The following SETD4 variants were observed in gnomAD, a reference collection of about 807,000 sequenced individuals.
SETD4 encodes SET domain-containing protein 4.
A neutral mutation model predicts 58.3 loss-of-function variants in SETD4; 46 were observed. The observed-to-expected ratio is 0.79, with a 90% CI of 0.62 to 1.01. The LOEUF (loss-of-function observed/expected upper bound fraction) is 1.01. SETD4 is among the 50% of genes least tolerant of loss of function. SETD4 has a pLI of 0.00. For synonymous variants in SETD4, 190 were observed against 202.6 expected, an observed-to-expected ratio of 0.94 and a Z score of 0.53; for missense variants, 490 against 523.3, an observed-to-expected ratio of 0.94 and a Z score of 0.62.
At chr21:36,040,006 TGA>T (rs1174976646) in intron 9 of SETD4, among the ~76,000 whole-genome samples, 1 of 152,234 alleles carries the variant, frequency 6.6e-6, no homozygotes, top group African/African-American at 2.4e-5. Context: ...GGACTCAGGC[TGA>T]AGCTGCCCCT....
At chr21:36,042,468 AAATTT>A (rs1226081201) in intron 7 of SETD4, 1 of 152,206 alleles carries the variant, frequency 6.6e-6, no homozygotes, top group African/African-American at 2.4e-5. Context: ...CATCAATATT[AAATTT>A]ATCAGGATTT....
chr21:36,043,680 A>T (rs1158470137), intron 7 of SETD4, 102 bp downstream of exon 7: 1 of 1,518,576 alleles, frequency 6.6e-7, no homozygotes, highest in African/African-American at 1.4e-5. Context: ...TATGTATGTC[A>T]GTCTTAAGGT....
At chr21:36,048,438 G>C in intron 4 of SETD4, 42 bp from the exon 5 acceptor site, 1 of 1,568,392 alleles carries the variant, frequency 6.4e-7, no homozygotes. Context: ...CTATGCTTTG[G>C]GAAGGACCCA....
In SETD4 at chr21:36,043,947, C is replaced by T. The variant is rs1443715273; in HGVS notation, c.736G>A (p.Ala246Thr). Residue 246 changes from alanine (A) to threonine (T), a missense_variant, in exon 7 of 12, where the codon GCG becomes ACG. Physicochemically the swap from Ala to Thr is moderately conservative, Grantham distance 58. Transcript: ENST00000332131. The part of the protein sequence containing the change: ...NHSPHVQVKA[A>T]FNEETHSYEI... ...TAAGAATGAGTTTCTTCATTAAACG[C>T]TGCTTTTACCTAGAAAGAAAAACTG... 1 of 1,613,858 alleles carries T rather than the reference C, an allele frequency of 6.2e-7. No individual in the cohort carries two copies. Among genetic ancestry groups the T allele is most frequent in the Non-Finnish European group, 8.5e-7 (1 of 1,179,952 alleles).
At chr21:36,050,849 C>T (rs1357280436) in intron 4 of SETD4, 5 of 1,610,688 alleles carry the variant, frequency 3.1e-6, no homozygotes, top group East Asian at 4.5e-5. Flanking sequence ...TCGTGGGAGG[C>T]CATGTGGTTG....
At chr21:36,041,147 A>G (rs1174041451) in intron 8 of SETD4, among the ~76,000 whole-genome samples, 1 of 132,704 alleles carries the variant, frequency 7.5e-6, no homozygotes, top group Non-Finnish European at 1.6e-5. Context: ...GCGACAGAGC[A>G]AGACTCCTTC....
chr21:36,042,108 A>G, intron 7 of SETD4: 1 of 351,256 alleles, frequency 2.8e-6, no homozygotes, highest in Non-Finnish European at 5.1e-6. Context: ...GGAGGACTAA[A>G]CACGCATAAC....
chr21:36,055,482 T>C (rs1378051682), intron 3 of SETD4, among the ~76,000 whole-genome samples: 4 of 152,162 alleles, frequency 2.6e-5, no homozygotes, highest in Non-Finnish European at 5.9e-5. Context: ...AAGGAAATGC[T>C]GCGGTCAGTT....
chr21:36,057,566 G>A (rs938230866), intron 2 of SETD4: 16 of 470,980 alleles, frequency 3.4e-5, no homozygotes, highest in East Asian at 1.9e-4. Flanking sequence ...TGCAACATAC[G>A]ACTATATTCA....
intron 1 of SETD4, chr21:36,059,907 G>A: frequency 1.6e-5 from 16 of 985,390 alleles, no homozygotes; most frequent in Non-Finnish European, 1.9e-5. Context: ...AGACCGCGCC[G>A]GGAAGTGTCC....
At position 36,039,622 on chromosome 21, in the gene SETD4, G is replaced by A. The variant is rs530257650; in HGVS notation, c.1064+953C>T. ...TGCGAAACCGCATGTCCCAACACTA[G>A]GTACGTTTGCATGCACCTCAGATTT... On this transcript the variant is annotated intron_variant, in intron 9 of 11. Coordinates refer to ENST00000332131, the MANE Select transcript of SETD4 (RefSeq NM_017438.5). Among the ~76,000 whole-genome samples, 184 of 152,334 alleles carry A rather than the reference G, an allele frequency of 1.2e-3. 1 individual carries two copies. Among genetic ancestry groups the A allele is most frequent in the Admixed American group, 1.6e-3 (25 of 15,308 alleles).
At chr21:36,051,120 T>G in intron 4 of SETD4, 1 of 1,433,820 alleles carries the variant, frequency 7.0e-7, no homozygotes, top group Non-Finnish European at 9.8e-7. Flanking sequence ...CAGAGCAGAC[T>G]ATACTGCCTC....
chr21:36,054,264 C>T (rs1329877928), intron 3 of SETD4, among the ~76,000 whole-genome samples: 1 of 152,208 alleles, frequency 6.6e-6, no homozygotes, highest in African/African-American at 2.4e-5. Flanking sequence ...CCAATTAATT[C>T]AATAAATTCC....
At position 36,035,974 on chromosome 21, in the gene SETD4, A is replaced by C; in HGVS notation, c.*33-14T>G. On this transcript the variant is annotated splice_polypyrimidine_tract_variant and intron_variant, in intron 11 of 11. Transcript: ENST00000332131. ...TAACTTTTGTTTCTGTAGGAAAAGC[A>C]AAAGGAAAAGGATTAAGTTCCTAAT... 8.6e-7 allele frequency: 1 copy of C among 1,157,550 alleles called. No individual in the cohort carries two copies. The highest frequency in any genetic ancestry group is 1.2e-6 in the Non-Finnish European group (1 of 808,762). 71.7% of individuals were successfully genotyped at this position (1,157,550 alleles called of 1,614,324 possible).
intron 2 of SETD4, among the ~76,000 whole-genome samples, chr21:36,058,329 A>G (rs2026259): frequency 0.42 from 63,477 of 151,746 alleles, 13,383 homozygotes; most frequent in Admixed American, 0.46. Flanking sequence ...AGACCCTGTC[A>G]CTACAACAAA....
At chr21:36,060,161 G>A in intron 1 of SETD4, 186 bp downstream of exon 1, 1 of 980,326 alleles carries the variant, frequency 1.0e-6, no homozygotes, top group Non-Finnish European at 1.2e-6. Context: ...CATGCGCTAA[G>A]TGTAGGACTC....
Position 36,043,944 on chromosome 21 carries a change from A to C in SETD4, c.739T>G (p.Phe247Val). 1 of 1,614,108 alleles carries C rather than the reference A, an allele frequency of 6.2e-7. No homozygotes were observed. Among genetic ancestry groups the C allele is most frequent in the Non-Finnish European group, 8.5e-7 (1 of 1,180,004 alleles). Residue 247 changes from phenylalanine to valine, a missense_variant, in exon 7 of 12, where the codon TTT (phenylalanine) becomes GTT (valine). Transcript: ENST00000332131. ...TCGTAAGAATGAGTTTCTTCATTAA[A>C]CGCTGCTTTTACCTAGAAAGAAAAA... Reference protein sequence around the residue: ...HSPHVQVKAAFNEETHSYEIR... With the variant: ...HSPHVQVKAAVNEETHSYEIR...
intron 3 of SETD4, 70 bp downstream of exon 3, chr21:36,057,038 CA>C (rs2065018853): frequency 1.1e-5 from 14 of 1,227,054 alleles, no homozygotes; most frequent in Non-Finnish European, 1.7e-5. Context: ...GGCCCACCTG[CA>C]AGAGTGGCCC....
intron 3 of SETD4, among the ~76,000 whole-genome samples, chr21:36,055,458 G>A (rs1211997384): frequency 4.6e-5 from 7 of 152,170 alleles, no homozygotes; most frequent in Admixed American, 3.9e-4. Context: ...CCTGGCTAGT[G>A]CTTTTGGTGG....
Sources: allele counts gnomAD v4.1 joint callset (sites outside exome capture counted in the v4.1 genomes callset), GRCh38; gene constraint gnomAD v4.1.1; transcripts MANE v1.5; gene names NCBI Gene and HGNC (gene_info 2026-07-23, HGNC 2026-07-21).